Variants in BTBD16 observed in about 807,000 individuals in gnomAD.
BTBD16 encodes the protein BTB domain containing 16.
Under a neutral mutation model 67.4 loss-of-function variants are expected in BTBD16, and 66 were observed. That is an observed-to-expected ratio of 0.98 (90% CI 0.80 to 1.20). BTBD16 has a LOEUF of 1.20. Ranked by LOEUF, BTBD16 falls within the 50% of genes most tolerant of loss-of-function variation. The pLI, the probability that BTBD16 is intolerant of heterozygous loss-of-function variation, is 0.00. For synonymous variants in BTBD16, 242 were observed against 236.4 expected (o/e 1.02, Z -0.22); for missense variants, 634 against 616.0 (o/e 1.03, Z -0.31).
In BTBD16 at chr10:122,307,288, C is replaced by G. The variant is rs200199018; in HGVS notation, c.891C>G (p.Thr297=). The G allele has an allele frequency of 2.5e-6, 4 of 1,603,830 alleles. No homozygotes were observed. The highest frequency in any genetic ancestry group is 4.5e-5 in the East Asian group (2 of 44,490). ...YKIQAIPTYE[T]VMTFFKSFPE... ...TTCAGGCAATTCCGACTTATGAAAC[C>G]GTGATGACATTTTTTAAGAGGTAAT... is the stretch of plus-strand genomic sequence containing the variant. Residue 297 remains threonine, a synonymous_variant, in exon 10 of 16, where the codon ACC becomes ACG. Coordinates refer to ENST00000260723, the MANE Select transcript of BTBD16 (RefSeq NM_144587.5).
intron 10 of BTBD16, among the ~76,000 whole-genome samples, chr10:122,320,230 G>A (rs984460076): frequency 6.6e-6 from 1 of 152,052 alleles, no homozygotes; most frequent in Non-Finnish European, 1.5e-5. Context: ...TCAGTACATT[G>A]TTGATCAGAA....
intron 13 of BTBD16, among the ~76,000 whole-genome samples, chr10:122,334,534 T>C (rs1236046344): frequency 2.0e-5 from 2 of 101,782 alleles, no homozygotes; most frequent in Non-Finnish European, 3.7e-5. Context: ...TGAGATAGAG[T>C]CTTACTCTGT....
chr10:122,327,605 T>G (rs921608812), intron 10 of BTBD16: 4 of 985,400 alleles, frequency 4.1e-6, no homozygotes, highest in Non-Finnish European at 4.8e-6. Context: ...ATGAGATGAC[T>G]CATGGCCTCT....
At chr10:122,336,723 T>C (rs910924967) in intron 15 of BTBD16, 41 bp downstream of exon 15, 1 of 1,512,074 alleles carries the variant, frequency 6.6e-7, no homozygotes. Context: ...TCCTTTTTGC[T>C]CTTTCTCTCC....
Position 122,309,348 on chromosome 10 carries a change from TTTTG to T in BTBD16, c.911+2044_911+2047del, listed in dbSNP as rs1222979922. On this transcript the variant is annotated intron_variant, in intron 10 of 15. Coordinates refer to ENST00000260723, the MANE Select transcript of BTBD16 (RefSeq NM_144587.5). ...TGTTTGTTTGTTTTTTGGTTTTTGTTTTTGTTTTTTTTTTTGAGAAAGAGTCTCG... is the reference window on the plus strand; with the variant it reads ...TGTTTGTTTGTTTTTTGGTTTTTGTTTTTTTTTTTTTGAGAAAGAGTCTCG... Among the ~76,000 whole-genome samples, 9 of 147,296 alleles carry T rather than the reference TTTTG, an allele frequency of 6.1e-5. No individual in the cohort carries two copies. The South Asian group carries it at 1.9e-3, about 31-fold the overall frequency.
chr10:122,278,810 C>T (rs1224407398), intron 3 of BTBD16, among the ~76,000 whole-genome samples: 3 of 152,234 alleles, frequency 2.0e-5, no homozygotes, highest in Non-Finnish European at 1.5e-5. Flanking sequence ...TACTGCCACG[C>T]ATCTGGTGCT....
intron 10 of BTBD16, among the ~76,000 whole-genome samples, chr10:122,328,194 C>T (rs572940481): frequency 2.6e-5 from 4 of 152,302 alleles, no homozygotes; most frequent in South Asian, 4.1e-4. Flanking sequence ...ATTTGTCCCA[C>T]GAAGATGTCA....
chr10:122,301,355 T>C (rs1457337591), intron 9 of BTBD16, among the ~76,000 whole-genome samples: 1 of 152,130 alleles, frequency 6.6e-6, no homozygotes. Context: ...GAGCATTACG[T>C]GTCAAGTGTC....
intron 10 of BTBD16, among the ~76,000 whole-genome samples, chr10:122,309,928 C>T (rs141022547): frequency 1.3e-3 from 203 of 151,974 alleles, no homozygotes; most frequent in Non-Finnish European, 2.5e-3. Flanking sequence ...CGTGCCACCA[C>T]GCCCAGCTAA....
chr10:122,299,933 G>A (rs1666886380), intron 9 of BTBD16, among the ~76,000 whole-genome samples: 1 of 152,074 alleles, frequency 6.6e-6, no homozygotes, highest in Admixed American at 6.6e-5. Flanking sequence ...GTGCAGCCAC[G>A]GGGCCCCCCC....
chr10:122,289,871 A>G (rs771063362), intron 5 of BTBD16, 38 bp from the exon 6 acceptor site: 1 of 1,546,928 alleles, frequency 6.5e-7, no homozygotes. Context: ...CACCACGGTT[A>G]TCACATCCTG....
At chr10:122,287,502 G>C (rs2096366139) in intron 5 of BTBD16, 2 of 985,128 alleles carry the variant, frequency 2.0e-6, no homozygotes, top group South Asian at 4.7e-5. Context: ...GGAAGGTGCA[G>C]AGATGAAATC....
chr10:122,310,897 G>A (rs1289949987), intron 10 of BTBD16, among the ~76,000 whole-genome samples: 1 of 152,182 alleles, frequency 6.6e-6, no homozygotes, highest in African/African-American at 2.4e-5. Flanking sequence ...AGCAGCAACT[G>A]CGGGCATGGC....
intron 15 of BTBD16, among the ~76,000 whole-genome samples, chr10:122,337,687 G>C (rs2096465407): frequency 1.3e-5 from 2 of 152,096 alleles, no homozygotes; most frequent in African/African-American, 4.8e-5. Context: ...GGATGGTCTC[G>C]ATCTCCTGAC....
chr10:122,282,229 T>C lies in BTBD16; in HGVS notation c.168-1622T>C, dbSNP rs911852782. Among the ~76,000 whole-genome samples the C allele has an allele frequency of 2.0e-5, 3 of 152,152 alleles. No homozygotes were observed. In the South Asian group the frequency reaches 6.2e-4, roughly 32 times the overall value. ...CTGTGGCTCCATTTTGGGATCACGG[T>C]CTGAACTCTTGACTCTGGCCAGCTC... On this transcript the variant is annotated intron_variant, in intron 3 of 15. Coordinates refer to ENST00000260723, the MANE Select transcript of BTBD16 (RefSeq NM_144587.5).
chr10:122,322,679 A>G (rs2096437699), intron 10 of BTBD16, among the ~76,000 whole-genome samples: 1 of 152,194 alleles, frequency 6.6e-6, no homozygotes, highest in African/African-American at 2.4e-5. Context: ...AGATGATCTT[A>G]TTTTGGATTA....
chr10:122,305,115 G>A (rs1223626147), intron 9 of BTBD16, among the ~76,000 whole-genome samples: 1 of 152,244 alleles, frequency 6.6e-6, no homozygotes, highest in Non-Finnish European at 1.5e-5. Context: ...AACTAAGGCT[G>A]CAGATGGAAC....
intron 2 of BTBD16, among the ~76,000 whole-genome samples, chr10:122,276,354 A>T (rs576940072): frequency 1.4e-4 from 21 of 152,292 alleles, no homozygotes; most frequent in African/African-American, 4.8e-4. Flanking sequence ...TGTAAAATAG[A>T]TACAATTTTA....
intron 4 of BTBD16, among the ~76,000 whole-genome samples, chr10:122,285,015 A>T (rs983988093): frequency 1.3e-5 from 2 of 152,198 alleles, no homozygotes; most frequent in African/African-American, 4.8e-5. Context: ...AATATTTGAG[A>T]TGCAAACCCC....
Sources: gnomAD v4.1 joint callset for allele counts (sites outside exome capture counted in the v4.1 genomes callset) on GRCh38, gnomAD v4.1.1 for gene constraint, MANE v1.5 for transcripts, NCBI Gene and HGNC (gene_info 2026-07-23, HGNC 2026-07-21) for gene names.